Variants in TOGARAM2 observed in about 807,000 individuals in gnomAD.
TOGARAM2 encodes the protein TOG array regulator of axonemal microtubules 2, also known as TOG array regulator of axonemal microtubules protein 2.
In TOGARAM2, 85 loss-of-function variants were observed where a neutral mutation model predicts 93.3. The observed-to-expected ratio is 0.91, with a 90% CI of 0.76 to 1.09. The LOEUF (loss-of-function observed/expected upper bound fraction) is 1.09. Among genes scored for constraint, TOGARAM2 ranks in the 50% least tolerant of loss-of-function variants. The pLI is 0.00. For synonymous variants in TOGARAM2, 593 were observed against 552.8 expected, an observed-to-expected ratio of 1.07 and a Z score of -1.02; for missense variants, 1,277 against 1,334.5, an observed-to-expected ratio of 0.96 and a Z score of 0.67.
chr2:28,999,945 C>T (rs1389750124), intron 4 of TOGARAM2, among the ~76,000 whole-genome samples: 3 of 152,010 alleles, frequency 2.0e-5, no homozygotes, highest in African/African-American at 7.3e-5. Flanking sequence ...AGCCACTGCT[C>T]CTCCCCCACC....
intron 17 of TOGARAM2, 95 bp downstream of exon 17, chr2:29,035,751 G>A (rs1666070914): frequency 1.7e-6 from 2 of 1,204,838 alleles, no homozygotes; most frequent in South Asian, 3.0e-5. Flanking sequence ...ACATGTGTCA[G>A]ACCCCTTGCT....
chr2:28,979,660 C>A (rs1672101014), upstream of TOGARAM2, among the ~76,000 whole-genome samples: 1 of 152,210 alleles, frequency 6.6e-6, no homozygotes, highest in Admixed American at 6.5e-5. Context: ...CTTGGGAACA[C>A]ATAATGCTCG....
chr2:29,029,626 G>C (rs1412445825), intron 14 of TOGARAM2, among the ~76,000 whole-genome samples: 1 of 149,516 alleles, frequency 6.7e-6, no homozygotes, highest in East Asian at 1.9e-4. Flanking sequence ...TGTGGTGGCG[G>C]GTGCCTGTAG....
chr2:29,009,332 C>T (rs2148316374), intron 6 of TOGARAM2, among the ~76,000 whole-genome samples: 1 of 152,336 alleles, frequency 6.6e-6, no homozygotes, highest in East Asian at 1.9e-4. Context: ...GGAGCTTCAT[C>T]CTCCTGTAAG....
At chr2:28,992,814 C>CTT (rs1672800100) in intron 1 of TOGARAM2, among the ~76,000 whole-genome samples, 1 of 152,142 alleles carries the variant, frequency 6.6e-6, no homozygotes, top group Non-Finnish European at 1.5e-5. Flanking sequence ...AATCCCAGCA[C>CTT]TTTGGGAGGC....
At position 29,014,483 on chromosome 2, in the gene TOGARAM2, G is replaced by A. The variant is rs750515254; in HGVS notation, c.966G>A (p.Leu322=). The A allele has an allele frequency of 6.3e-7, 1 of 1,593,762 alleles. No homozygotes were observed. Among genetic ancestry groups the A allele is most frequent in the Non-Finnish European group, 8.5e-7 (1 of 1,170,368 alleles). The change falls in exon 8 of 20, where the codon CTG becomes CTA. Residue 322 remains leucine, a synonymous_variant. Transcript: ENST00000379558. ...CTTTTTCTCAGTCTGCTCCCACGCT[G>A]ACAGCCTTCTCCTTTGACTGTGCCA... The part of the protein sequence containing the change: ...ALPFSQSAPT[L]TAFSFDCARE...
chr2:28,980,621 G>A (rs371431307), upstream of TOGARAM2, among the ~76,000 whole-genome samples: 16 of 152,302 alleles, frequency 1.1e-4, no homozygotes, highest in African/African-American at 2.9e-4. Flanking sequence ...TGGGATTTCC[G>A]CCCAAGAGCC....
At position 28,994,733 on chromosome 2, in the gene TOGARAM2, T is replaced by C. The variant is rs1328790076; in HGVS notation, c.-102T>C. ...TCTCCTCTCACCCTTAGGTCCCGGA[T>C]GTTACAGGTCAGAGCCCTCCAGACC... On this transcript the variant is annotated 5_prime_UTR_variant, in exon 2 of 20. The change abolishes an upstream ATG in the 5' untranslated region. Transcript: ENST00000379558. 2.5e-6 allele frequency: 3 copies of C among 1,198,804 alleles called. No homozygotes were observed. Among genetic ancestry groups the C allele is most frequent in the African/African-American group, 1.5e-5 (1 of 65,900 alleles). The allele number at this position is 1,198,804 out of a possible 1,614,324, so 74.3% of individuals were successfully genotyped here.
chr2:28,982,693 C>T (rs1028610787), intron 1 of TOGARAM2, among the ~76,000 whole-genome samples: 2 of 152,188 alleles, frequency 1.3e-5, no homozygotes, highest in African/African-American at 4.8e-5. Context: ...ATTGACCCCA[C>T]GGCTACCTCA....
In TOGARAM2 at chr2:29,026,985, G is replaced by A; in HGVS notation, c.1986G>A (p.Leu662=). 6.4e-7 allele frequency: 1 copy of A among 1,564,522 alleles called. No homozygotes were observed. Among genetic ancestry groups the A allele is most frequent in the Non-Finnish European group, 8.7e-7 (1 of 1,154,480 alleles). The change falls in exon 14 of 20, where the codon CTG becomes CTA. Residue 662 remains leucine, a synonymous_variant. Coordinates refer to ENST00000379558, the MANE Select transcript of TOGARAM2 (RefSeq NM_199280.4). ...TGTTGGTGCACAACCTGGTGAGGCT[G>A]GCACAGGACTCCAACCAGGACACCA... ...TDMLVHNLVR[L]AQDSNQDTRF...
intron 16 of TOGARAM2, 63 bp from the exon 17 acceptor site, chr2:29,035,401 A>G: frequency 3.9e-6 from 5 of 1,271,928 alleles, no homozygotes; most frequent in Non-Finnish European, 4.0e-6. Flanking sequence ...GCATGGGACC[A>G]GAAGTGGGTT....
At chr2:29,048,331 A>G (rs563077611) in intron 19 of TOGARAM2, 1 of 152,302 alleles carries the variant, frequency 6.6e-6, no homozygotes, top group Admixed American at 6.5e-5. Context: ...GCCAAACTAT[A>G]TCACCCCCCA....
At chr2:28,990,970 C>CAA (rs1487103283) in intron 1 of TOGARAM2, among the ~76,000 whole-genome samples, 2 of 102,180 alleles carry the variant, frequency 2.0e-5, no homozygotes, top group Non-Finnish European at 3.9e-5. Flanking sequence ...TATGGACATG[C>CAA]GAGTGTGTGT....
chr2:29,041,025 CTT>C (rs59787454), intron 18 of TOGARAM2, among the ~76,000 whole-genome samples: 73 of 137,088 alleles, frequency 5.3e-4, no homozygotes, highest in Admixed American at 1.0e-3. Flanking sequence ...TCTTGAGTCA[CTT>C]TTTTTTTTTT....
rs752996435 is a variant in TOGARAM2, at chr2:28,966,200, A to G, written c.-147+9503A>G. Among the ~76,000 whole-genome samples the G allele has an allele frequency of 4.6e-5, 7 of 152,026 alleles. No individual in the cohort carries two copies. The South Asian group carries it at 1.5e-3, about 32-fold the overall frequency. ...GAGACAGGGTTTCACCATGTTGGCC[A>G]GGCTGGTCTCAAACTCCTGACCTCA... On this transcript the variant is annotated intron_variant, in intron 1 of 6. Transcript: ENST00000401723.
chr2:29,024,438 C>T (rs66715573), intron 13 of TOGARAM2, 64 bp downstream of exon 13: 299,888 of 1,305,714 alleles, frequency 0.23, 38,998 homozygotes, highest in East Asian at 0.47. Context: ...GGGGAGAGGC[C>T]CTGGGATGTG....
intron 1 of TOGARAM2, among the ~76,000 whole-genome samples, chr2:28,987,624 C>T (rs923931170): frequency 1.3e-5 from 2 of 152,230 alleles, no homozygotes; most frequent in African/African-American, 4.8e-5. Context: ...CATTCAGTCA[C>T]ACTACAGTTA....
Position 28,999,289 on chromosome 2 carries a change from G to A in TOGARAM2, c.248G>A (p.Gly83Asp). ...CTCAAGCTGGACACCCCTTCCAAGGGCTGGCAGGCAAGGAATGGTCACCCC... is the reference window on the plus strand; with the variant it reads ...CTCAAGCTGGACACCCCTTCCAAGGACTGGCAGGCAAGGAATGGTCACCCC... ...GGLKLDTPSK[G>D]WQARNGHPRN... Residue 83 changes from glycine (G) to aspartate (D), a missense_variant, in exon 4 of 20, where the codon GGC (glycine) becomes GAC (aspartate). By Grantham distance (94) the Gly-to-Asp change is moderately conservative. Coordinates refer to ENST00000379558, the MANE Select transcript of TOGARAM2 (RefSeq NM_199280.4). 3.7e-6 allele frequency: 6 copies of A among 1,613,884 alleles called. No homozygotes were observed. Among genetic ancestry groups the A allele is most frequent in the Non-Finnish European group, 5.1e-6 (6 of 1,179,824 alleles).
At chr2:28,983,199 T>TATATATATATATATATATA (rs1491158838) in intron 1 of TOGARAM2, among the ~76,000 whole-genome samples, 2 of 12,496 alleles carry the variant, frequency 1.6e-4, no homozygotes, top group South Asian at 4.2e-3. Flanking sequence ...TATATATATA[T>TATATATATATATATATATA]TTTTTTTTTT....
Sources: gnomAD v4.1 joint callset for allele counts (sites outside exome capture counted in the v4.1 genomes callset) on GRCh38, gnomAD v4.1.1 for gene constraint, MANE v1.5 for transcripts, NCBI Gene and HGNC (gene_info 2026-07-23, HGNC 2026-07-21) for gene names.